Variants in TMEM178A observed in about 807,000 individuals in gnomAD.
TMEM178A encodes the protein transmembrane protein 178A, also known as transmembrane protein 178.
TMEM178A carries 12 observed loss-of-function variants against 29.1 expected under a neutral mutation model. That is an observed-to-expected ratio of 0.41 (90% CI 0.26 to 0.67). The LOEUF is 0.67. TMEM178A is among the 30% of genes least tolerant of loss of function. The probability of loss-of-function intolerance (pLI) is 0.29; values close to 1 mark genes in which losing one functional copy is unlikely to be tolerated. For synonymous variants in TMEM178A, 210 were observed against 187.2 expected, an observed-to-expected ratio of 1.12 and a Z score of -0.99; for missense variants, 366 against 419.1, an observed-to-expected ratio of 0.87 and a Z score of 1.11.
At chr2:39,723,740 C>T in the TMEM178A span, among the ~76,000 whole-genome samples, 1 of 152,154 alleles carries the variant, frequency 6.6e-6, no homozygotes, top group Non-Finnish European at 1.5e-5. Flanking sequence ...AGTAACCTTC[C>T]CTAAGATACT....
Position 39,665,973 on chromosome 2 carries a change from C to A in TMEM178A, c.-2C>A. ...CCGGCGGCTGCGGCGGGGCGGGAAG[C>A]CATGGAGCCGCGGGCGCTCGTCACG... On this transcript the variant is annotated 5_prime_UTR_variant, in exon 1 of 4. Coordinates refer to ENST00000281961, the MANE Select transcript of TMEM178A (RefSeq NM_152390.3). 7.3e-7 allele frequency: 1 copy of A among 1,360,924 alleles called. No individual in the cohort carries two copies. The highest frequency in any genetic ancestry group is 9.4e-7 in the Non-Finnish European group (1 of 1,058,530). 84.3% of individuals were successfully genotyped at this position (1,360,924 alleles called of 1,614,324 possible).
the TMEM178A span, among the ~76,000 whole-genome samples, chr2:39,732,539 C>T: frequency 6.6e-6 from 1 of 152,174 alleles, no homozygotes; most frequent in Non-Finnish European, 1.5e-5. Flanking sequence ...ATATGGTCAC[C>T]TAGTGTCCCA....
At chr2:39,731,783 C>T in the TMEM178A span, among the ~76,000 whole-genome samples, 2 of 152,184 alleles carry the variant, frequency 1.3e-5, no homozygotes, top group Admixed American at 6.5e-5. Context: ...GCAGTGGCCA[C>T]ATCTTGGCGA....
intron 1 of TMEM178A, among the ~76,000 whole-genome samples, chr2:39,691,900 G>C (rs1671332360): frequency 6.6e-6 from 1 of 151,312 alleles, no homozygotes. Flanking sequence ...CATATATAAT[G>C]GAATATTATT....
intron 3 of TMEM178A, among the ~76,000 whole-genome samples, chr2:39,716,643 G>A (rs72936031): frequency 0.028 from 4,220 of 152,220 alleles, 182 homozygotes; most frequent in African/African-American, 0.095. Flanking sequence ...AAACTATTTT[G>A]TGCTTGATTT....
chr2:39,715,431 A>G (rs1191742431), intron 3 of TMEM178A, among the ~76,000 whole-genome samples: 1 of 103,210 alleles, frequency 9.7e-6, no homozygotes, highest in African/African-American at 3.7e-5. Flanking sequence ...AGATCTAAGA[A>G]CATTTGCTTT....
intron 1 of TMEM178A, among the ~76,000 whole-genome samples, chr2:39,686,690 G>A (rs557541877): frequency 1.3e-5 from 2 of 151,462 alleles, no homozygotes; most frequent in Non-Finnish European, 1.5e-5. Flanking sequence ...GAGAAGATGG[G>A]GGGGCGGAGC....
chr2:39,734,608 A>G, the TMEM178A span, among the ~76,000 whole-genome samples: 1 of 152,372 alleles, frequency 6.6e-6, no homozygotes, highest in East Asian at 1.9e-4. Flanking sequence ...TGTTTAATGC[A>G]TATTTCAAAA....
chr2:39,725,815 C>T, the TMEM178A span, among the ~76,000 whole-genome samples: 1 of 152,178 alleles, frequency 6.6e-6, no homozygotes, highest in Non-Finnish European at 1.5e-5. Context: ...CTTTGTGTCA[C>T]TTTAGGAGCA....
At chr2:39,734,111 T>C in the TMEM178A span, among the ~76,000 whole-genome samples, 1 of 152,196 alleles carries the variant, frequency 6.6e-6, no homozygotes, top group Non-Finnish European at 1.5e-5. Context: ...TTGTAAGAAC[T>C]GTCTATGCTC....
chr2:39,704,156 T>A lies in TMEM178A; in HGVS notation c.476T>A (p.Leu159Ter). 6.2e-7 allele frequency: 1 copy of A among 1,614,168 alleles called. No individual in the cohort carries two copies. Among genetic ancestry groups the A allele is most frequent in the Non-Finnish European group, 8.5e-7 (1 of 1,180,014 alleles). Residue 159 changes from leucine to a stop codon, truncating the protein, a stop_gained, in exon 2 of 4, where the codon TTA (leucine) becomes TAA (stop). Transcript: ENST00000281961. LOFTEE classifies it high-confidence loss of function. ...CGCTTGCGAAACATTCCTTTTAATT[T>A]AACCAAGACCATACAGCAAGATGAG... The part of the protein sequence containing the change: ...PIRLRNIPFN[L>*]TKTIQQDEWH...
At chr2:39,688,479 T>G (rs1015044539) in intron 1 of TMEM178A, among the ~76,000 whole-genome samples, 2 of 152,246 alleles carry the variant, frequency 1.3e-5, no homozygotes, top group Non-Finnish European at 2.9e-5. Flanking sequence ...CTTCCTACCA[T>G]GAGGCTCTTG....
At chr2:39,693,874 C>A (rs375024975) in intron 1 of TMEM178A, among the ~76,000 whole-genome samples, 3 of 151,594 alleles carry the variant, frequency 2.0e-5, no homozygotes, top group East Asian at 1.9e-4. Flanking sequence ...ATTCAGCAAG[C>A]CAGTGGTCAG....
At chr2:39,716,513 ATTAT>A (rs1296760810) in intron 3 of TMEM178A, among the ~76,000 whole-genome samples, 1 of 152,230 alleles carries the variant, frequency 6.6e-6, no homozygotes, top group Non-Finnish European at 1.5e-5. Context: ...CATCTAAAAT[ATTAT>A]TTAAGGCAAC....
At chr2:39,700,121 G>A (rs923115504) in intron 1 of TMEM178A, among the ~76,000 whole-genome samples, 3 of 152,142 alleles carry the variant, frequency 2.0e-5, no homozygotes, top group Non-Finnish European at 4.4e-5. Flanking sequence ...GTATTTTGCT[G>A]TTGTTGGATG....
intron 1 of TMEM178A, among the ~76,000 whole-genome samples, chr2:39,695,686 G>C (rs576221008): frequency 6.6e-6 from 1 of 152,004 alleles, no homozygotes; most frequent in African/African-American, 2.4e-5. Flanking sequence ...AGTGAAGTTG[G>C]AGGTAGGGAT....
intron 1 of TMEM178A, among the ~76,000 whole-genome samples, chr2:39,671,501 A>G (rs994256677): frequency 6.6e-6 from 1 of 152,198 alleles, no homozygotes; most frequent in African/African-American, 2.4e-5. Flanking sequence ...TGCTGCTGGT[A>G]AAAGGGATTC....
chr2:39,691,519 C>T (rs549737341), intron 1 of TMEM178A, among the ~76,000 whole-genome samples: 3 of 152,048 alleles, frequency 2.0e-5, no homozygotes, highest in South Asian at 4.1e-4. Flanking sequence ...AAAAGAGAAC[C>T]GTGGTACACT....
chr2:39,730,442 A>G, the TMEM178A span, among the ~76,000 whole-genome samples: 3 of 152,136 alleles, frequency 2.0e-5, no homozygotes, highest in Non-Finnish European at 4.4e-5. Flanking sequence ...AGGTCCGTCA[A>G]GTTTCCCACG....
Sources: allele counts gnomAD v4.1 joint callset (sites outside exome capture counted in the v4.1 genomes callset), GRCh38; gene constraint gnomAD v4.1.1; transcripts MANE v1.5; gene names NCBI Gene and HGNC (gene_info 2026-07-23, HGNC 2026-07-21).